Variants in FAM168A observed in about 807,000 individuals in gnomAD.
FAM168A encodes family with sequence similarity 168 member A, also known as protein FAM168A.
In FAM168A, 3 loss-of-function variants were observed where a neutral mutation model predicts 28.5. The ratio of observed to expected loss-of-function variants is 0.11; its 90% confidence interval spans 0.05 to 0.27. FAM168A has a LOEUF of 0.27. Among genes scored for constraint, FAM168A ranks in the 10% least tolerant of loss-of-function variants. FAM168A has a pLI of 1.00. For missense variants in FAM168A, 222 were observed against 311.5 expected (o/e 0.71, Z 2.16); for synonymous variants, 122 against 124.2 (o/e 0.98, Z 0.12).
chr11:73,477,396 C>A (rs1435252922), intron 1 of FAM168A, among the ~76,000 whole-genome samples: 5 of 151,690 alleles, frequency 3.3e-5, no homozygotes, highest in South Asian at 2.1e-4. Context: ...AGAAATTATA[C>A]CACAAATTGA....
chr11:73,496,556 T>TTTGG (rs1046261806), intron 1 of FAM168A, among the ~76,000 whole-genome samples: 5 of 152,128 alleles, frequency 3.3e-5, no homozygotes, highest in African/African-American at 7.2e-5. Flanking sequence ...TGTTTGTTTG[T>TTTGG]TTGGTTGGTT....
chr11:73,541,468 G>T (rs952791105), intron 1 of FAM168A, among the ~76,000 whole-genome samples: 2 of 151,506 alleles, frequency 1.3e-5, no homozygotes, highest in African/African-American at 4.9e-5. Context: ...CTCCTCCCGG[G>T]TTCACACCAT....
At chr11:73,469,143 A>G (rs1411372347) in intron 1 of FAM168A, among the ~76,000 whole-genome samples, 1 of 152,238 alleles carries the variant, frequency 6.6e-6, no homozygotes, top group African/African-American at 2.4e-5. Context: ...AAGGGAAAGA[A>G]ATAAACTTGG....
At position 73,574,084 on chromosome 11, in the gene FAM168A, CTG is replaced by C. The variant is rs549075393; in HGVS notation, c.-19+23837_-19+23838del. On this transcript the variant is annotated intron_variant, in intron 1 of 7. Transcript: ENST00000356467. ...GCAACAGTGAGCCATGAGCCCACCA[CTG>C]TACTCCAGCCTGGGTGACAGAGCAA... Among the ~76,000 whole-genome samples, 618 of 152,052 alleles carry C rather than the reference CTG, an allele frequency of 4.1e-3. 7 individuals carry two copies. Among genetic ancestry groups the C allele is most frequent in the African/African-American group, 0.014 (591 of 41,462 alleles).
At chr11:73,411,659 G>A (rs1288177242) in intron 4 of FAM168A, 123 bp from the exon 5 acceptor site, 6 of 1,053,920 alleles carry the variant, frequency 5.7e-6, no homozygotes, top group African/African-American at 1.6e-5. Context: ...AAACAGAGAT[G>A]AGAACAAACA....
At chr11:73,444,027 T>C (rs78721478) in intron 2 of FAM168A, among the ~76,000 whole-genome samples, 11,221 of 152,244 alleles carry the variant, frequency 0.074, 1,233 homozygotes, top group African/African-American at 0.24. Context: ...GGAGCCATCA[T>C]AGTCCAGTGG....
intron 1 of FAM168A, among the ~76,000 whole-genome samples, chr11:73,564,180 T>C (rs1943991113): frequency 6.6e-6 from 1 of 152,186 alleles, no homozygotes; most frequent in African/African-American, 2.4e-5. Flanking sequence ...CCAATCACTA[T>C]GGCCGGAAGA....
At chr11:73,517,586 T>C (rs941672490) in intron 1 of FAM168A, among the ~76,000 whole-genome samples, 2 of 152,142 alleles carry the variant, frequency 1.3e-5, no homozygotes, top group African/African-American at 4.8e-5. Flanking sequence ...TGATTGTCCA[T>C]TAGTTCTTCG....
At chr11:73,505,927 T>C (rs1482647059) in intron 1 of FAM168A, among the ~76,000 whole-genome samples, 6 of 152,176 alleles carry the variant, frequency 3.9e-5, no homozygotes, top group Non-Finnish European at 8.8e-5. Flanking sequence ...CCTTTTCACA[T>C]CAGCTTCTGC....
At chr11:73,436,994 T>C (rs184793927) in intron 2 of FAM168A, among the ~76,000 whole-genome samples, 207 of 152,268 alleles carry the variant, frequency 1.4e-3, no homozygotes, top group African/African-American at 4.4e-3. Context: ...CACTGAATTA[T>C]AGAGTTGGAA....
chr11:73,538,384 C>T (rs940564656), intron 1 of FAM168A, among the ~76,000 whole-genome samples: 2 of 151,458 alleles, frequency 1.3e-5, no homozygotes, highest in Non-Finnish European at 2.9e-5. Flanking sequence ...GCAACATCAA[C>T]CCCAACAAGC....
At chr11:73,528,627 A>C (rs1418134106) in intron 1 of FAM168A, among the ~76,000 whole-genome samples, 1 of 152,048 alleles carries the variant, frequency 6.6e-6, no homozygotes, top group African/African-American at 2.4e-5. Context: ...TTCACTTTGC[A>C]CTTAGGACTC....
intron 2 of FAM168A, among the ~76,000 whole-genome samples, chr11:73,439,879 CTTTTTTTTTT>C (rs761818483): frequency 3.1e-5 from 3 of 97,042 alleles, no homozygotes; most frequent in African/African-American, 1.3e-4. Context: ...TCTCAGGTCA[CTTTTTTTTTT>C]TTTTTTTTTT....
chr11:73,445,393 C>T (rs1195590534), intron 2 of FAM168A, among the ~76,000 whole-genome samples: 1 of 147,184 alleles, frequency 6.8e-6, no homozygotes, highest in Non-Finnish European at 1.5e-5. Flanking sequence ...AATACAAACA[C>T]CCAGTAGATA....
chr11:73,408,527 C>T (rs1565232136), intron 6 of FAM168A, among the ~76,000 whole-genome samples: 1 of 152,042 alleles, frequency 6.6e-6, no homozygotes, highest in African/African-American at 2.4e-5. Context: ...TATCTGTTAC[C>T]CCAGTATTTG....
At chr11:73,569,434 C>T (rs1222009141) in intron 1 of FAM168A, among the ~76,000 whole-genome samples, 6 of 152,130 alleles carry the variant, frequency 3.9e-5, no homozygotes, top group Admixed American at 3.3e-4. Flanking sequence ...GAAAGAAAGA[C>T]GCACAGAAAG....
At chr11:73,536,663 GGCAACAAGA>G (rs1183650168) in intron 1 of FAM168A, among the ~76,000 whole-genome samples, 1 of 152,022 alleles carries the variant, frequency 6.6e-6, no homozygotes, top group Non-Finnish European at 1.5e-5. Context: ...CTCCAGCCTG[GGCAACAAGA>G]GCTTAACTCC....
intron 1 of FAM168A, among the ~76,000 whole-genome samples, chr11:73,582,836 G>A (rs184812652): frequency 2.3e-4 from 35 of 152,274 alleles, no homozygotes; most frequent in Middle Eastern, 3.4e-3. Context: ...CCAGGGATCC[G>A]TCATAAATCA....
At chr11:73,446,427 A>G (rs1197107828) in intron 2 of FAM168A, among the ~76,000 whole-genome samples, 1 of 152,234 alleles carries the variant, frequency 6.6e-6, no homozygotes, top group Non-Finnish European at 1.5e-5. Context: ...TACTGTTTAG[A>G]AATGCCCAAG....
Sources: allele counts gnomAD v4.1 joint callset (sites outside exome capture counted in the v4.1 genomes callset), GRCh38; gene constraint gnomAD v4.1.1; transcripts MANE v1.5; gene names NCBI Gene and HGNC (gene_info 2026-07-23, HGNC 2026-07-21).